Variants in RASSF3 observed in about 807,000 individuals in gnomAD.
The protein encoded by RASSF3 is Ras association domain family member 3, also known as ras association domain-containing protein 3.
A neutral mutation model predicts 19.9 loss-of-function variants in RASSF3; 19 were observed. The ratio of observed to expected loss-of-function variants is 0.96; its 90% CI spans 0.67 to 1.40. RASSF3 has a LOEUF of 1.40. RASSF3 is among the 40% of genes most tolerant of loss of function. The probability of loss-of-function intolerance (pLI) is 0.00; values close to 1 mark genes in which losing one functional copy is unlikely to be tolerated. For synonymous variants in RASSF3, 110 were observed against 104.2 expected (o/e 1.06, Z -0.34); for missense variants, 306 against 289.8 (o/e 1.06, Z -0.41).
chr12:64,579,809 G>GT (rs34306092), intron 2 of RASSF3, among the ~76,000 whole-genome samples: 62,097 of 137,270 alleles, frequency 0.45, 15,008 homozygotes, highest in Non-Finnish European at 0.56. Flanking sequence ...GTTTTTTTGG[G>GT]TTTTTTTTTT....
At chr12:64,615,809 G>C (rs1459947154) in intron 1 of RASSF3, among the ~76,000 whole-genome samples, 4 of 151,908 alleles carry the variant, frequency 2.6e-5, no homozygotes, top group Non-Finnish European at 4.4e-5. Flanking sequence ...GAGTAGCTGG[G>C]ATTACAGGCT....
upstream of RASSF3, among the ~76,000 whole-genome samples, chr12:64,530,269 T>A (rs1868679291): frequency 6.6e-6 from 1 of 152,036 alleles, no homozygotes; most frequent in Non-Finnish European, 1.5e-5. Flanking sequence ...GCATCAATAA[T>A]TCATTTTTAA....
chr12:64,554,282 G>A (rs184941092), intron 2 of RASSF3, among the ~76,000 whole-genome samples: 2 of 152,268 alleles, frequency 1.3e-5, no homozygotes, highest in South Asian at 2.1e-4. Context: ...AAATTCAGTA[G>A]ATTGAAATGT....
At chr12:64,513,532 T>A (rs942249193) in intron 1 of RASSF3, among the ~76,000 whole-genome samples, 3 of 150,844 alleles carry the variant, frequency 2.0e-5, no homozygotes, top group Non-Finnish European at 4.4e-5. Flanking sequence ...AGATATATAA[T>A]AACCTAACAC....
intron 1 of RASSF3, among the ~76,000 whole-genome samples, chr12:64,646,687 G>A (rs1592441874): frequency 1.3e-5 from 2 of 151,416 alleles, no homozygotes; most frequent in East Asian, 3.9e-4. Context: ...AAAAATCACT[G>A]CAAATTCCTA....
At position 64,547,270 on chromosome 12, in the gene RASSF3, T is replaced by TAA. The variant is rs79967837; in HGVS notation, c.294+5580_294+5581dup. ...CTGTGTGACAGAGAGAGACTTGATC[T>TAA]AAAAAAAAAAAAAAAAGCCAGGCAC... On this transcript the variant is annotated intron_variant, in intron 2 of 5. Coordinates refer to the RASSF3 transcript ENST00000637125. 3.6e-3 allele frequency among the ~76,000 whole-genome samples: 460 copies of TAA among 127,496 alleles called. 5 individuals carry two copies. Among genetic ancestry groups the TAA allele is most frequent in the African/African-American group, 0.013 (424 of 32,462 alleles). 83.6% of individuals were successfully genotyped at this position (127,496 alleles called of 152,430 possible).
At position 64,623,112 on chromosome 12, in the gene RASSF3, C is replaced by T. The variant is rs558802455; in HGVS notation, c.111+12369C>T. Among the ~76,000 whole-genome samples, 22 of 152,178 alleles carry T rather than the reference C, an allele frequency of 1.4e-4. No homozygotes were observed. In the South Asian group the frequency reaches 2.1e-3, roughly 14 times the overall value. ...CTGAGATTATAAGCATGAGCCACCG[C>T]GCCCGGCCACCGTGAAAATTTTCTA... On this transcript the variant is annotated intron_variant, in intron 1 of 4. Coordinates refer to ENST00000542104, the MANE Select transcript of RASSF3 (RefSeq NM_178169.4).
chr12:64,648,377 G>A (rs545368043), intron 1 of RASSF3, among the ~76,000 whole-genome samples: 1 of 152,210 alleles, frequency 6.6e-6, no homozygotes, highest in South Asian at 2.1e-4. Flanking sequence ...TAGCTGGGAG[G>A]TATATCTGGG....
At chr12:64,652,695 C>A (rs544573606) in intron 1 of RASSF3, among the ~76,000 whole-genome samples, 2 of 152,080 alleles carry the variant, frequency 1.3e-5, no homozygotes, top group East Asian at 1.9e-4. Context: ...TAAGAGAGTT[C>A]CTTGAATATA....
At chr12:64,551,194 G>A (rs1042402858) in intron 2 of RASSF3, among the ~76,000 whole-genome samples, 3 of 152,158 alleles carry the variant, frequency 2.0e-5, no homozygotes, top group African/African-American at 2.4e-5. Context: ...GAGCAAGGAC[G>A]GTCAAGGTAT....
intron 1 of RASSF3, among the ~76,000 whole-genome samples, chr12:64,631,557 ATG>A (rs1308962293): frequency 5.9e-5 from 9 of 151,538 alleles, no homozygotes; most frequent in Non-Finnish European, 2.9e-5. Context: ...GTATGTATGT[ATG>A]TATGTATGTA....
At chr12:64,592,360 G>C (rs7300843) in intron 2 of RASSF3, among the ~76,000 whole-genome samples, 1 of 152,080 alleles carries the variant, frequency 6.6e-6, no homozygotes, top group Non-Finnish European at 1.5e-5. Flanking sequence ...TATTCCATTA[G>C]CCAATTTGCC....
intron 4 of RASSF3, among the ~76,000 whole-genome samples, chr12:64,693,060 A>G (rs940109509): frequency 1.2e-4 from 18 of 152,184 alleles, no homozygotes; most frequent in African/African-American, 4.1e-4. Flanking sequence ...AGACTTCAAC[A>G]TAGGTGAAAG....
At chr12:64,650,694 C>G (rs1258993331) in intron 1 of RASSF3, among the ~76,000 whole-genome samples, 1 of 152,032 alleles carries the variant, frequency 6.6e-6, no homozygotes, top group Non-Finnish European at 1.5e-5. Context: ...GGATTACAGG[C>G]GTGAGCCACC....
intron 1 of RASSF3, among the ~76,000 whole-genome samples, chr12:64,507,866 C>G (rs1868301543): frequency 6.6e-6 from 1 of 152,134 alleles, no homozygotes; most frequent in Non-Finnish European, 1.5e-5. Context: ...TAAAGCCCTG[C>G]CTTTTCTGTC....
At chr12:64,599,417 A>G (rs1238215139) in intron 2 of RASSF3, among the ~76,000 whole-genome samples, 1 of 152,250 alleles carries the variant, frequency 6.6e-6, no homozygotes, top group Non-Finnish European at 1.5e-5. Context: ...GTCCCAGACA[A>G]TTGAATAAAA....
chr12:64,605,222 G>A lies in RASSF3; in HGVS notation c.294+63517G>A, dbSNP rs539758045. 1.9e-3 allele frequency among the ~76,000 whole-genome samples: 284 copies of A among 151,926 alleles called. 3 individuals are homozygous for A. Among genetic ancestry groups the A allele is most frequent in the African/African-American group, 6.2e-3 (257 of 41,470 alleles). ...GCTGGTCTTGAACTCCTGACCTCAG[G>A]TGATCTGCCTGCCTCAGCCTCCCAA... is the stretch of plus-strand genomic sequence containing the variant. On this transcript the variant is annotated intron_variant, in intron 2 of 5. Transcript: ENST00000637125.
intron 1 of RASSF3, among the ~76,000 whole-genome samples, chr12:64,514,783 C>T (rs1042010401): frequency 1.3e-5 from 2 of 152,056 alleles, no homozygotes; most frequent in Non-Finnish European, 2.9e-5. Context: ...CTTAGGGAAT[C>T]ATTATGACAC....
At chr12:64,532,657 T>C (rs1351299747), upstream of RASSF3, among the ~76,000 whole-genome samples, 1 of 149,686 alleles carries the variant, frequency 6.7e-6, no homozygotes, top group Admixed American at 6.6e-5. Flanking sequence ...ACCCGATTTC[T>C]ACCAAAAAAA....
Sources: gnomAD v4.1 joint callset for allele counts (sites outside exome capture counted in the v4.1 genomes callset) on GRCh38, gnomAD v4.1.1 for gene constraint, MANE v1.5 for transcripts, NCBI Gene and HGNC (gene_info 2026-07-23, HGNC 2026-07-21) for gene names.